The following SNX29 variants were observed in gnomAD, a reference collection of about 807,000 sequenced individuals.
SNX29 encodes sorting nexin 29.
Under a neutral mutation model 102.1 loss-of-function variants are expected in SNX29, and 78 were observed. That is an observed-to-expected ratio of 0.76 (90% CI 0.64 to 0.92). The LOEUF is 0.92. Among genes scored for constraint, SNX29 ranks in the 40% least tolerant of loss-of-function variants. The probability of loss-of-function intolerance (pLI) is 0.00; values close to 1 mark genes in which losing one functional copy is unlikely to be tolerated. For missense variants in SNX29, 1,280 were observed against 1,061.7 expected (o/e 1.21, Z -2.86); for synonymous variants, 580 against 414.5 (o/e 1.40, Z -4.85).
intron 11 of SNX29, among the ~76,000 whole-genome samples, chr16:12,107,107 G>T (rs2053285501): frequency 6.6e-6 from 1 of 152,168 alleles, no homozygotes; most frequent in East Asian, 1.9e-4. Context: ...TGCGGGCCAC[G>T]GCACATGGCC....
intron 16 of SNX29, among the ~76,000 whole-genome samples, chr16:12,357,551 A>T (rs2082171449): frequency 6.6e-6 from 1 of 152,218 alleles, no homozygotes; most frequent in African/African-American, 2.4e-5. Flanking sequence ...TACCTAACAT[A>T]ACTTGTACCA....
Position 12,568,946 on chromosome 16 carries a change from C to T in SNX29, c.*317C>T, listed in dbSNP as rs1031686781. The T allele has an allele frequency of 5.0e-6, 2 of 397,544 alleles. No individual in the cohort carries two copies. The highest frequency in any genetic ancestry group is 4.0e-5 in the African/African-American group (2 of 49,474). The allele number at this position is 397,544 out of a possible 1,614,324, so 24.6% of individuals were successfully genotyped here. ...AGTTCAGGGCTGGCAGGAGGGTGGGCACCAGGTCAGGCTGGGTGCGCCATG... is the reference window on the plus strand; with the variant it reads ...AGTTCAGGGCTGGCAGGAGGGTGGGTACCAGGTCAGGCTGGGTGCGCCATG... On this transcript the variant is annotated 3_prime_UTR_variant, in exon 21 of 21. Transcript: ENST00000566228.
intron 11 of SNX29, among the ~76,000 whole-genome samples, chr16:12,100,888 G>A (rs1459051630): frequency 6.6e-6 from 1 of 152,120 alleles, no homozygotes; most frequent in African/African-American, 2.4e-5. Context: ...CACAATGTAG[G>A]CAGCAGATGC....
chr16:12,207,272 G>A (rs533107535), intron 14 of SNX29, among the ~76,000 whole-genome samples: 1 of 152,240 alleles, frequency 6.6e-6, no homozygotes, highest in South Asian at 2.1e-4. Context: ...GGGAGGCTGA[G>A]GCAGGAGAAT....
At position 12,570,371 on chromosome 16, in the gene SNX29, G is replaced by T. The variant is rs954261011; in HGVS notation, c.*1742G>T. ...CTGCCAACATTGCTGCAATACACAT[G>T]GTTTATCTGAAATTCCAAGGCCAGA... is the stretch of plus-strand genomic sequence containing the variant. On this transcript the variant is annotated 3_prime_UTR_variant, in exon 21 of 21. Coordinates refer to ENST00000566228, the MANE Select transcript of SNX29 (RefSeq NM_032167.5). 4 of 457,172 alleles carry T rather than the reference G, an allele frequency of 8.7e-6. No homozygotes were observed. The highest frequency in any genetic ancestry group is 1.2e-5 in the Non-Finnish European group (4 of 322,838). 28.3% of individuals were successfully genotyped at this position (457,172 alleles called of 1,614,324 possible).
At chr16:12,298,428 G>C (rs2080052643) in intron 15 of SNX29, among the ~76,000 whole-genome samples, 1 of 152,162 alleles carries the variant, frequency 6.6e-6, no homozygotes, top group Admixed American at 6.5e-5. Context: ...AGCCTGTGCA[G>C]ATTATACCTT....
At chr16:12,214,216 T>G (rs1338409729) in intron 14 of SNX29, among the ~76,000 whole-genome samples, 1 of 152,208 alleles carries the variant, frequency 6.6e-6, no homozygotes, top group Non-Finnish European at 1.5e-5. Flanking sequence ...TGTTGTTCAT[T>G]TCATTTTTAT....
In SNX29 at chr16:12,032,575, C is replaced by T. The variant is rs535526215; in HGVS notation, c.247+5131C>T. On this transcript the variant is annotated intron_variant, in intron 4 of 20. Transcript: ENST00000566228. Reference sequence around the variant, plus strand: ...ATGTAGAGCCCATATTTTGTTTATTCCCATGACAGTTGGGTGTCTTCCACT... The same window carrying T: ...ATGTAGAGCCCATATTTTGTTTATTTCCATGACAGTTGGGTGTCTTCCACT... Among the ~76,000 whole-genome samples the T allele has an allele frequency of 7.9e-5, 12 of 152,076 alleles. No individual in the cohort carries two copies. In the South Asian group the frequency reaches 2.5e-3, roughly 32 times the overall value.
rs753489438 is a variant in SNX29 at position 12,570,313 on chromosome 16, C to G, written c.*1684C>G. The G allele has an allele frequency of 1.7e-4, 172 of 992,478 alleles. No homozygotes were observed. The highest frequency in any genetic ancestry group is 2.0e-4 in the Non-Finnish European group (159 of 813,000). The allele number at this position is 992,478 out of a possible 1,614,324, so 61.5% of individuals were successfully genotyped here. A position where few individuals can be genotyped will look rare whatever the true frequency, so the allele number is the denominator to read the frequency against. On this transcript the variant is annotated 3_prime_UTR_variant, in exon 21 of 21. Transcript: ENST00000566228. ...GCGAGTGTGGAGGACCCGAGACATC[C>G]TGTAAAGGCAACTTGGTCTCCCTCC... is the stretch of plus-strand genomic sequence containing the variant.
chr16:12,115,626 G>A (rs1326216882), intron 11 of SNX29, among the ~76,000 whole-genome samples: 1 of 152,034 alleles, frequency 6.6e-6, no homozygotes, highest in Non-Finnish European at 1.5e-5. Context: ...ATCTCTTCTT[G>A]CAGACCTACT....
chr16:12,449,650 G>A (rs1567574926), intron 18 of SNX29, among the ~76,000 whole-genome samples: 1 of 152,176 alleles, frequency 6.6e-6, no homozygotes, highest in East Asian at 1.9e-4. Context: ...TCTGCATTTA[G>A]AAGTCACAAT....
intron 1 of SNX29, among the ~76,000 whole-genome samples, chr16:11,989,821 G>T (rs966321848): frequency 6.6e-5 from 10 of 152,222 alleles, no homozygotes; most frequent in African/African-American, 2.4e-4. Context: ...AGGGACAGCA[G>T]TGTGTCCCTT....
chr16:12,054,578 G>A (rs747282516), intron 8 of SNX29, among the ~76,000 whole-genome samples: 9 of 152,210 alleles, frequency 5.9e-5, no homozygotes, highest in Non-Finnish European at 1.3e-4. Context: ...TGGCTTTTCG[G>A]CCCTGGGCCA....
intron 20 of SNX29, among the ~76,000 whole-genome samples, chr16:12,547,887 C>T (rs144860068): frequency 6.6e-6 from 1 of 152,244 alleles, no homozygotes; most frequent in South Asian, 2.1e-4. Context: ...AGCAGCAGTT[C>T]TAGGGCTGTA....
Position 12,571,446 on chromosome 16 carries a change from C to A in SNX29, c.*2817C>A. 4.2e-6 allele frequency: 1 copy of A among 238,820 alleles called. No individual in the cohort carries two copies. Among genetic ancestry groups the A allele is most frequent in the Non-Finnish European group, 8.1e-6 (1 of 123,976 alleles). The allele number at this position is 238,820 out of a possible 1,614,324, so 14.8% of individuals were successfully genotyped here. A position where few individuals can be genotyped will look rare whatever the true frequency, so the allele number is the denominator to read the frequency against. On this transcript the variant is annotated 3_prime_UTR_variant, in exon 21 of 21. Transcript: ENST00000566228. ...CTAAGATTACTCGGAGATTTTCAAA[C>A]AACATCTGAGAACAGAAGCCCCCTC... is the stretch of plus-strand genomic sequence containing the variant.
At chr16:12,177,838 G>T (rs1318880871) in intron 13 of SNX29, among the ~76,000 whole-genome samples, 2 of 152,160 alleles carry the variant, frequency 1.3e-5, no homozygotes, top group African/African-American at 4.8e-5. Flanking sequence ...CAACACTGGG[G>T]AGATAGCAGT....
chr16:12,232,960 C>A (rs1240721357), intron 14 of SNX29, among the ~76,000 whole-genome samples: 1 of 152,220 alleles, frequency 6.6e-6, no homozygotes, highest in Non-Finnish European at 1.5e-5. Flanking sequence ...CCTCCCAAGC[C>A]CCAGCCTGGC....
At chr16:12,484,925 C>G (rs1942520311) in intron 19 of SNX29, among the ~76,000 whole-genome samples, 1 of 152,216 alleles carries the variant, frequency 6.6e-6, no homozygotes, top group African/African-American at 2.4e-5. Flanking sequence ...GGACTGGAGT[C>G]TGTTTCTGTT....
chr16:11,990,546 A>G (rs1331171987), intron 1 of SNX29, among the ~76,000 whole-genome samples: 11 of 151,628 alleles, frequency 7.3e-5, no homozygotes, highest in Admixed American at 1.3e-4. Flanking sequence ...CAGTTTCTTT[A>G]TTTGGAATGG....
Sources: gnomAD v4.1 joint callset for allele counts (sites outside exome capture counted in the v4.1 genomes callset) on GRCh38, gnomAD v4.1.1 for gene constraint, MANE v1.5 for transcripts, NCBI Gene and HGNC (gene_info 2026-07-23, HGNC 2026-07-21) for gene names.